ARHGAP15: variants seen among roughly 807,000 people sequenced by gnomAD.
The protein encoded by ARHGAP15 is rho GTPase-activating protein 15.
In ARHGAP15, 51 loss-of-function variants were observed where a neutral mutation model predicts 63.7. The ratio of observed to expected loss-of-function variants is 0.80; its 90% CI spans 0.64 to 1.01. ARHGAP15 has a LOEUF of 1.01. ARHGAP15 is among the 50% of genes least tolerant of loss of function. ARHGAP15 has a pLI of 0.00. For missense variants in ARHGAP15, 560 were observed against 564.6 expected, an observed-to-expected ratio of 0.99 and a Z score of 0.08; for synonymous variants, 191 against 193.8, an observed-to-expected ratio of 0.99 and a Z score of 0.12.
chr2:143,245,403 G>A (rs529928896), intron 5 of ARHGAP15, among the ~76,000 whole-genome samples: 112 of 152,184 alleles, frequency 7.4e-4, no homozygotes, highest in Non-Finnish European at 1.4e-3. Flanking sequence ...GGGGAACAAG[G>A]CATCAGATTG....
chr2:143,150,094 G>A (rs920931856), intron 1 of ARHGAP15, among the ~76,000 whole-genome samples: 2 of 151,966 alleles, frequency 1.3e-5, no homozygotes, highest in African/African-American at 4.8e-5. Flanking sequence ...TGAACAGAAT[G>A]TGACACCAGG....
At chr2:143,695,521 G>A (rs756247294) in intron 12 of ARHGAP15, among the ~76,000 whole-genome samples, 4 of 152,148 alleles carry the variant, frequency 2.6e-5, no homozygotes, top group Non-Finnish European at 4.4e-5. Flanking sequence ...TGGTTAGTCT[G>A]AGGAAATGTT....
chr2:143,382,053 C>T (rs1687074774), intron 6 of ARHGAP15, among the ~76,000 whole-genome samples: 2 of 150,572 alleles, frequency 1.3e-5, no homozygotes, highest in Admixed American at 1.3e-4. Flanking sequence ...TCTTTCCTTT[C>T]TTGCTTCTTT....
chr2:143,346,975 A>G (rs1013266948), intron 6 of ARHGAP15, among the ~76,000 whole-genome samples: 2 of 151,980 alleles, frequency 1.3e-5, no homozygotes, highest in Non-Finnish European at 2.9e-5. Context: ...GGGATATTCT[A>G]TTATCCCTTT....
chr2:143,583,039 G>A (rs1050799936), intron 11 of ARHGAP15, among the ~76,000 whole-genome samples: 11 of 152,132 alleles, frequency 7.2e-5, no homozygotes, highest in Non-Finnish European at 1.3e-4. Context: ...CATTGGCTAC[G>A]TCTAGTGCAG....
chr2:143,628,053 C>A (rs1328112880), intron 12 of ARHGAP15, among the ~76,000 whole-genome samples: 3 of 151,946 alleles, frequency 2.0e-5, no homozygotes, highest in African/African-American at 7.3e-5. Context: ...GTGTTCAGCT[C>A]CCACTTATAA....
chr2:143,561,889 T>A (rs1310531191), intron 11 of ARHGAP15, among the ~76,000 whole-genome samples: 1 of 152,194 alleles, frequency 6.6e-6, no homozygotes, highest in Non-Finnish European at 1.5e-5. Flanking sequence ...AGGAACAAAA[T>A]ATACAAATGC....
chr2:143,216,315 C>A, intron 3 of ARHGAP15, 69 bp from the exon 4 acceptor site: 1 of 1,197,106 alleles, frequency 8.4e-7, no homozygotes. Context: ...TCTTGAAAAG[C>A]ATAGGTTTAT....
chr2:143,235,908 C>A, intron 5 of ARHGAP15: 2 of 1,528,630 alleles, frequency 1.3e-6, no homozygotes, highest in Non-Finnish European at 1.8e-6. Flanking sequence ...TCATTTGCAG[C>A]TTGACTCCTA....
At chr2:143,626,568 C>A (rs576504902) in intron 12 of ARHGAP15, among the ~76,000 whole-genome samples, 7 of 152,152 alleles carry the variant, frequency 4.6e-5, no homozygotes, top group African/African-American at 1.4e-4. Context: ...AGCGGGTTAC[C>A]CCTGCTGGCT....
chr2:143,220,749 T>G (rs1277660572), intron 4 of ARHGAP15, among the ~76,000 whole-genome samples: 1 of 152,242 alleles, frequency 6.6e-6, no homozygotes, highest in Non-Finnish European at 1.5e-5. Flanking sequence ...TTATGCTTCT[T>G]ATATAAAATT....
At chr2:143,314,894 TTAA>T (rs1236227924) in intron 6 of ARHGAP15, among the ~76,000 whole-genome samples, 6 of 152,332 alleles carry the variant, frequency 3.9e-5, no homozygotes, top group African/African-American at 1.2e-4. Context: ...AATCAATTCA[TTAA>T]TAAGTAAATC....
chr2:143,215,222 G>C (rs1028908071), intron 3 of ARHGAP15, among the ~76,000 whole-genome samples: 3 of 152,120 alleles, frequency 2.0e-5, no homozygotes, highest in African/African-American at 4.8e-5. Flanking sequence ...AGATGGCAGA[G>C]AAATCATGGA....
intron 10 of ARHGAP15, among the ~76,000 whole-genome samples, chr2:143,543,462 A>C (rs944072948): frequency 5.3e-5 from 8 of 152,054 alleles, no homozygotes; most frequent in Non-Finnish European, 1.2e-4. Flanking sequence ...ACATCCTGTC[A>C]AATGTATATT....
intron 6 of ARHGAP15, among the ~76,000 whole-genome samples, chr2:143,338,001 C>G (rs1366441198): frequency 6.6e-6 from 1 of 152,114 alleles, no homozygotes; most frequent in Non-Finnish European, 1.5e-5. Flanking sequence ...CTCAAATGTA[C>G]CTTTAATGTG....
At chr2:143,306,950 G>A (rs189507917) in intron 6 of ARHGAP15, among the ~76,000 whole-genome samples, 1 of 152,098 alleles carries the variant, frequency 6.6e-6, no homozygotes, top group Non-Finnish European at 1.5e-5. Context: ...TCTGCTCAGG[G>A]TCTCACGAAG....
At chr2:143,204,453 C>T (rs1692246805) in intron 3 of ARHGAP15, among the ~76,000 whole-genome samples, 1 of 152,034 alleles carries the variant, frequency 6.6e-6, no homozygotes, top group African/African-American at 2.4e-5. Context: ...TCCTTGTATC[C>T]TCACACGGCA....
chr2:143,305,067 G>A (rs1683105948), intron 6 of ARHGAP15, among the ~76,000 whole-genome samples: 1 of 151,972 alleles, frequency 6.6e-6, no homozygotes. Context: ...CAAAGACTTG[G>A]AACCCAACCC....
chr2:143,262,535 A>ATTTTTGTTTTTTTTTTT (rs1680774563), intron 6 of ARHGAP15, among the ~76,000 whole-genome samples: 1 of 90,924 alleles, frequency 1.1e-5, no homozygotes, highest in Non-Finnish European at 2.1e-5. Context: ...TGAACCTTTG[A>ATTTTTGTTTTTTTTTTT]TTTTTTTTTT....
Sources: allele counts gnomAD v4.1 joint callset (sites outside exome capture counted in the v4.1 genomes callset), GRCh38; gene constraint gnomAD v4.1.1; transcripts MANE v1.5; gene names NCBI Gene and HGNC (gene_info 2026-07-23, HGNC 2026-07-21).